Variants in VWA8 observed in about 807,000 individuals in gnomAD.
VWA8 encodes the protein von Willebrand factor A domain containing 8.
In VWA8, 221 loss-of-function variants were observed where a neutral mutation model predicts 241.5. The ratio of observed to expected loss-of-function variants is 0.91; its 90% CI spans 0.82 to 1.02. The LOEUF (loss-of-function observed/expected upper bound fraction) is 1.02. Among genes scored for constraint, VWA8 ranks in the 50% least tolerant of loss-of-function variants. VWA8 has a pLI of 0.00. For missense variants in VWA8, 2,322 were observed against 2,328.7 expected (o/e 1.00, Z 0.06); for synonymous variants, 852 against 827.1 (o/e 1.03, Z -0.52).
chr13:41,671,237 A>T, intron 36 of VWA8, 90 bp from the exon 37 acceptor site: 1 of 1,386,290 alleles, frequency 7.2e-7, no homozygotes, highest in Admixed American at 1.8e-5. Context: ...TTACTGTTGA[A>T]AAAGTATGCT....
chr13:41,802,976 C>T (rs1365059390), intron 17 of VWA8, among the ~76,000 whole-genome samples: 2 of 152,192 alleles, frequency 1.3e-5, no homozygotes, highest in African/African-American at 4.8e-5. Flanking sequence ...AGAGAGATTC[C>T]ATTTGTTTGA....
chr13:41,960,958 G>A lies in VWA8; in HGVS notation c.58C>T (p.Arg20Trp). The A allele has an allele frequency of 2.1e-6, 3 of 1,452,554 alleles. No individual in the cohort carries two copies. Among genetic ancestry groups the A allele is most frequent in the Non-Finnish European group, 2.7e-6 (3 of 1,111,326 alleles). The allele number at this position is 1,452,554 out of a possible 1,614,324, so 90.0% of individuals were successfully genotyped here. ...APGGHGGPAS[R>W]RMRLLLRQVV... ...TGCCGCAGGAGCAGCCGCATGCGCC[G>A]CGAGGCCGGGCCGCCGTGGCCTCCG... Residue 20 changes from arginine (R) to tryptophan (W), a missense_variant, in exon 1 of 45, where the codon CGG (arginine) becomes TGG (tryptophan). Coordinates refer to ENST00000379310, the MANE Select transcript of VWA8 (RefSeq NM_015058.2).
At chr13:41,675,837 T>G (rs2045056696) in intron 35 of VWA8, among the ~76,000 whole-genome samples, 2 of 151,852 alleles carry the variant, frequency 1.3e-5, no homozygotes, top group South Asian at 4.2e-4. Flanking sequence ...ATAAGCATTA[T>G]CCTGAGGATT....
intron 2 of VWA8, among the ~76,000 whole-genome samples, chr13:41,934,435 C>T (rs1480160767): frequency 6.6e-6 from 1 of 151,826 alleles, no homozygotes; most frequent in African/African-American, 2.4e-5. Context: ...AAACATCTAC[C>T]GCATGATGCA....
chr13:41,937,127 T>C (rs1023309631), intron 2 of VWA8, among the ~76,000 whole-genome samples: 2 of 152,216 alleles, frequency 1.3e-5, no homozygotes, highest in African/African-American at 2.4e-5. Flanking sequence ...GGCTGTACCA[T>C]ATAGCCTAGG....
chr13:41,663,816 T>G (rs1298781719), intron 37 of VWA8, among the ~76,000 whole-genome samples: 1 of 151,774 alleles, frequency 6.6e-6, no homozygotes, highest in Admixed American at 6.6e-5. Context: ...TAACAATTTT[T>G]CTACTTTACG....
intron 26 of VWA8, among the ~76,000 whole-genome samples, chr13:41,712,098 T>G (rs2045322512): frequency 6.6e-6 from 1 of 151,828 alleles, no homozygotes; most frequent in Non-Finnish European, 1.5e-5. Flanking sequence ...GAAGGTTGAG[T>G]GGGTGGGAGG....
intron 21 of VWA8, among the ~76,000 whole-genome samples, chr13:41,747,170 T>C (rs1213614910): frequency 3.3e-5 from 5 of 152,222 alleles, no homozygotes. Flanking sequence ...TGACATTGGA[T>C]CTATAAATTA....
chr13:41,960,471 C>T (rs908376028), intron 1 of VWA8, among the ~76,000 whole-genome samples: 2 of 152,220 alleles, frequency 1.3e-5, no homozygotes, highest in Admixed American at 6.5e-5. Flanking sequence ...GCCCTTGAGG[C>T]TCAGAGAGCA....
intron 5 of VWA8, among the ~76,000 whole-genome samples, chr13:41,890,885 G>A (rs1874804250): frequency 6.6e-6 from 1 of 152,178 alleles, no homozygotes; most frequent in Admixed American, 6.5e-5. Context: ...ATGGAAGCAG[G>A]GAGTGCAGTT....
chr13:41,942,492 C>A (rs2138153821), intron 2 of VWA8, among the ~76,000 whole-genome samples: 1 of 152,308 alleles, frequency 6.6e-6, no homozygotes, highest in South Asian at 2.1e-4. Context: ...GAGAAACAAT[C>A]TGCATAGATG....
Position 41,699,200 on chromosome 13 carries a change from C to T in VWA8, c.3435G>A (p.Gly1145=). ...PASLYFMNMT[G]KSGFFVDFFD... ...AAAAGTCCACAAAGAAGCCACTTTT[C>T]CCAGTCATATTCATAAAGTACAGGG... Residue 1145 remains glycine (G), a synonymous_variant, in exon 29 of 45, where the codon GGG becomes GGA. Transcript: ENST00000379310. 2 of 1,614,154 alleles carry T rather than the reference C, an allele frequency of 1.2e-6. No homozygotes were observed. The highest frequency in any genetic ancestry group is 1.7e-6 in the Non-Finnish European group (2 of 1,180,006).
intron 10 of VWA8, 131 bp from the exon 11 acceptor site, chr13:41,866,167 G>A: frequency 1.7e-6 from 2 of 1,149,488 alleles, no homozygotes; most frequent in East Asian, 5.1e-5. Flanking sequence ...GGCCAATATG[G>A]TGAAACCCCA....
intron 37 of VWA8, among the ~76,000 whole-genome samples, chr13:41,666,098 T>C (rs1408930554): frequency 6.6e-6 from 1 of 152,174 alleles, no homozygotes; most frequent in Non-Finnish European, 1.5e-5. Context: ...ACTGATAATG[T>C]TGTGATCCAA....
In VWA8 at chr13:41,887,197, C is replaced by T. The variant is rs113986317; in HGVS notation, c.816G>A (p.Lys272=). ...ATAAATTATCCTTGGTCTTACTTAC[C>T]TTGAAGGGTAAATAATAAATATCCC... ...QARDIYYLPF[K]DQLKLLYSIG... The change falls in exon 6 of 45, where the codon AAG becomes AAA. Residue 272 remains lysine (K), a splice_region_variant and synonymous_variant. Coordinates refer to ENST00000379310, the MANE Select transcript of VWA8 (RefSeq NM_015058.2). 3.7e-6 allele frequency: 6 copies of T among 1,609,984 alleles called. No individual in the cohort carries two copies. Among genetic ancestry groups the T allele is most frequent in the Non-Finnish European group, 5.1e-6 (6 of 1,178,982 alleles).
At chr13:41,651,736 T>C (rs965581429) in intron 37 of VWA8, among the ~76,000 whole-genome samples, 1 of 152,212 alleles carries the variant, frequency 6.6e-6, no homozygotes, top group Non-Finnish European at 1.5e-5. Context: ...AAATCTTAGT[T>C]TGTGGGCCTA....
intron 16 of VWA8, among the ~76,000 whole-genome samples, chr13:41,811,621 G>A (rs1870478022): frequency 6.6e-6 from 1 of 152,146 alleles, no homozygotes; most frequent in South Asian, 2.1e-4. Flanking sequence ...GGGGAAGGAT[G>A]TTACATAACA....
intron 12 of VWA8, among the ~76,000 whole-genome samples, chr13:41,861,797 C>T (rs1873018912): frequency 6.6e-6 from 1 of 152,006 alleles, no homozygotes; most frequent in African/African-American, 2.4e-5. Flanking sequence ...TGAAAGAAAT[C>T]AGAGATTAGA....
chr13:41,738,482 G>A (rs2045542661), intron 21 of VWA8, among the ~76,000 whole-genome samples: 1 of 152,028 alleles, frequency 6.6e-6, no homozygotes, highest in South Asian at 2.1e-4. Flanking sequence ...CCTCTACCAC[G>A]TCTCCTACTA....
Sources: allele counts gnomAD v4.1 joint callset (sites outside exome capture counted in the v4.1 genomes callset), GRCh38; gene constraint gnomAD v4.1.1; transcripts MANE v1.5; gene names NCBI Gene and HGNC (gene_info 2026-07-23, HGNC 2026-07-21).